The following KLK9 variants were observed in gnomAD, a reference collection of about 807,000 sequenced individuals.
The protein encoded by KLK9 is kallikrein related peptidase 9, also known as kallikrein-9.
In KLK9, 26 loss-of-function variants were observed where a neutral mutation model predicts 23.3. The ratio of observed to expected loss-of-function variants is 1.12; its 90% CI spans 0.82 to 1.55. KLK9 has a LOEUF of 1.55. Among genes scored for constraint, KLK9 ranks in the 40% most tolerant of loss-of-function variants. KLK9 has a pLI of 0.00. For missense variants in KLK9, 346 were observed against 333.7 expected (o/e 1.04, Z -0.29); for synonymous variants, 122 against 128.5 (o/e 0.95, Z 0.34).
Position 51,009,250 on chromosome 19 carries a change from G to A in KLK9, c.133C>T (p.Arg45Trp), listed in dbSNP as rs557702718. The change falls in exon 2 of 5, where the codon CGG becomes TGG. Residue 45 changes from arginine to tryptophan, a missense_variant. Transcript: ENST00000594211. This position sits in a 1 kb window ranked among gnomAD's most constrained non-coding sequence, Gnocchi z 4.8. ...ATGAGGGTCGCCCCACAGAAGAGCC[G>A]AGTAAGGTGGAAGAGGCCGGCCTGC... ...PWQAGLFHLT[R>W]LFCGATLISD... 2.7e-5 allele frequency: 44 copies of A among 1,609,898 alleles called. No individual in the cohort carries two copies. The East Asian group carries it at 5.6e-4, about 20-fold the overall frequency.
Position 51,006,479 on chromosome 19 carries a change from C to T in KLK9, c.445G>A (p.Gly149Arg). ...ATACCCTTGGGGCTGGACACGGCCCCCCAGCCTGAGATGAGACACTGCATG... is the reference window on the plus strand; with the variant it reads ...ATACCCTTGGGGCTGGACACGGCCCTCCAGCCTGAGATGAGACACTGCATG... ...PGMQCLISGW[G>R]AVSSPKALFP... The change falls in exon 3 of 5, where the codon GGG becomes AGG. Residue 149 changes from glycine (G) to arginine (R), a missense_variant. Gly to Arg is a moderately radical substitution (Grantham distance 125, BLOSUM62 -2). Transcript: ENST00000594211. This position sits in a 1 kb window ranked among gnomAD's most constrained non-coding sequence, Gnocchi z 4.1. 6.2e-7 allele frequency: 1 copy of T among 1,612,058 alleles called. No homozygotes were observed. Among genetic ancestry groups the T allele is most frequent in the Non-Finnish European group, 8.5e-7 (1 of 1,178,844 alleles).
rs368953872 is a variant in KLK9 at position 51,003,157 on chromosome 19, C to T, written c.707G>A (p.Ser236Asn). ...GATCCAGTCAAGGTAGTGGCATACG[C>T]TGGTGTAGACTGCGGGGCGCCGGGG... ...SRPRRPAVYT[S>N]VCHYLDWIQE... Residue 236 changes from serine to asparagine, a missense_variant, in exon 5 of 5, where the codon AGC (serine) becomes AAC (asparagine). Physicochemically the swap from Ser to Asn is conservative, Grantham distance 46 (BLOSUM62 1). Transcript: ENST00000594211. 12 of 1,612,678 alleles carry T rather than the reference C, an allele frequency of 7.4e-6. No individual in the cohort carries two copies. Among genetic ancestry groups the T allele is most frequent in the Non-Finnish European group, 1.0e-5 (12 of 1,179,754 alleles).
At chr19:51,004,101 A>G (rs974187817) in intron 3 of KLK9, among the ~76,000 whole-genome samples, 14 of 152,030 alleles carry the variant, frequency 9.2e-5, no homozygotes, top group African/African-American at 3.1e-4. Context: ...AGTGTTTTGG[A>G]GGCCGAGGCC....
chr19:51,008,167 T>TAA (rs577874335), intron 2 of KLK9, among the ~76,000 whole-genome samples: 5,764 of 95,836 alleles, frequency 0.06, 217 homozygotes, highest in Middle Eastern at 0.088. Context: ...CCGTCTCTAC[T>TAA]AAAAAAAAAA....
Position 51,009,449 on chromosome 19 carries a change from AAGAGCAAGGTGACCTTAGTAC to A in KLK9, c.43+35_43+55del. The A allele has an allele frequency of 6.4e-7, 1 of 1,569,132 alleles. No homozygotes were observed. Among genetic ancestry groups the A allele is most frequent in the African/African-American group, 1.4e-5 (1 of 73,950 alleles). On this transcript the variant is annotated intron_variant, in intron 1 of 4. Coordinates refer to ENST00000594211, the MANE Select transcript of KLK9 (RefSeq NM_012315.2). The surrounding 1 kb of genome is among the most constrained non-coding windows in gnomAD (Gnocchi z 4.8). ...GAGGCAGAAGCCTGGGATGGGAGGG[AAGAGCAAGGTGACCTTAGTAC>A]AGCCGTGAAGGGGCAGCCAGCCTGG...
rs913078393 is a variant in KLK9, at chr19:51,006,521, T to TCTGG, written c.399_402dup (p.Thr135ProfsTer70). 6.8e-6 allele frequency: 11 copies of TCTGG among 1,613,016 alleles called. No individual in the cohort carries two copies. The highest frequency in any genetic ancestry group is 9.3e-6 in the Non-Finnish European group (11 of 1,179,446). Reference sequence around the variant, plus strand: ...CACTGCATGCCTGGGGAGACACAGGTCTGGCTGAGGTTGAGGGGCTGCACA... The same window carrying TCTGG: ...CACTGCATGCCTGGGGAGACACAGGTCTGGCTGGCTGAGGTTGAGGGGCTGCACA... On this transcript the variant is annotated frameshift_variant, in exon 3 of 5. Coordinates refer to ENST00000594211, the MANE Select transcript of KLK9 (RefSeq NM_012315.2). LOFTEE classifies it high-confidence loss of function. The surrounding 1 kb of genome is among the most constrained non-coding windows in gnomAD (Gnocchi z 4.1).
rs1476979083 is a variant in KLK9, at chr19:51,003,724, C to T, written c.583G>A (p.Gly195Arg). 1.9e-6 allele frequency: 3 copies of T among 1,612,324 alleles called. No homozygotes were observed. In the African/African-American group the frequency reaches 4.0e-5, roughly 22 times the overall value. ...CTCACCTGGCAGGAACCTCGGCCCCCCTCCCACAGGCCCGCACAGAGCATG... is the reference window on the plus strand; with the variant it reads ...CTCACCTGGCAGGAACCTCGGCCCCTCTCCCACAGGCCCGCACAGAGCATG... ...DSMLCAGLWE[G>R]GRGSCQGDSG... Residue 195 changes from glycine (G) to arginine (R), a missense_variant, in exon 4 of 5, where the codon GGG becomes AGG. Physicochemically the swap from Gly to Arg is moderately radical, Grantham distance 125 (BLOSUM62 -2). Transcript: ENST00000594211.
At chr19:51,004,763 GT>G (rs1375183455) in intron 3 of KLK9, among the ~76,000 whole-genome samples, 1 of 151,822 alleles carries the variant, frequency 6.6e-6, no homozygotes, top group Non-Finnish European at 1.5e-5. Context: ...AATGAAGGCA[GT>G]GAGATAAAAG....
intron 3 of KLK9, among the ~76,000 whole-genome samples, chr19:51,004,429 G>A (rs1475401156): frequency 6.8e-6 from 1 of 146,916 alleles, no homozygotes; most frequent in Non-Finnish European, 1.5e-5. Context: ...AGAGATAAGA[G>A]GAGATGCATA....
chr19:51,004,452 G>A (rs555392456), intron 3 of KLK9, among the ~76,000 whole-genome samples: 1 of 147,130 alleles, frequency 6.8e-6, no homozygotes, highest in Admixed American at 6.8e-5. Context: ...TAACTCCCTA[G>A]CACTTTGGGA....
chr19:51,005,888 C>G (rs897388604), intron 3 of KLK9, among the ~76,000 whole-genome samples: 6 of 150,208 alleles, frequency 4.0e-5, no homozygotes, highest in Non-Finnish European at 8.9e-5. Context: ...ACCAGCCTGG[C>G]CAATATGGTG....
chr19:51,003,346 C>T, intron 4 of KLK9, 86 bp from the exon 5 acceptor site: 2 of 1,401,192 alleles, frequency 1.4e-6, no homozygotes, highest in Non-Finnish European at 1.9e-6. Flanking sequence ...CCAGAAAGGC[C>T]CCAGCCCCTT....
At chr19:51,008,395 TA>T (rs1242365075) in intron 2 of KLK9, among the ~76,000 whole-genome samples, 1 of 147,200 alleles carries the variant, frequency 6.8e-6, no homozygotes, top group Non-Finnish European at 1.5e-5. Context: ...TATAAATCTA[TA>T]ACCTTAGAAA....
chr19:51,006,718 A>G lies in KLK9; in HGVS notation c.206T>C (p.Leu69Pro). Residue 69 changes from leucine (L) to proline (P), a missense_variant, in exon 3 of 5, where the codon CTG (leucine) becomes CCG (proline). Coordinates refer to ENST00000594211, the MANE Select transcript of KLK9 (RefSeq NM_012315.2). This position sits in a 1 kb window ranked among gnomAD's most constrained non-coding sequence, Gnocchi z 4.1. ...GTGGTGCTCTCCAAGGCGGACCCAC[A>G]GATACCTGCTGGGACAGGCCTCAGA... Reference protein sequence around the residue: ...LTAAHCRKPYLWVRLGEHHLW... With the variant: ...LTAAHCRKPYPWVRLGEHHLW... 2.5e-6 allele frequency: 4 copies of G among 1,582,004 alleles called. No homozygotes were observed. The highest frequency in any genetic ancestry group is 3.4e-6 in the Non-Finnish European group (4 of 1,162,138).
In KLK9 at chr19:51,006,751, C is replaced by A; in HGVS notation, c.201-28G>T. ...GCTGGGACAGGCCTCAGAGGTCAAG[C>A]TGGGGGAAAGGTAAAAGTCCTTTCA... On this transcript the variant is annotated intron_variant, in intron 2 of 4. Coordinates refer to ENST00000594211, the MANE Select transcript of KLK9 (RefSeq NM_012315.2). The surrounding 1 kb of genome is among the most constrained non-coding windows in gnomAD (Gnocchi z 4.1). The A allele has an allele frequency of 6.5e-7, 1 of 1,536,294 alleles. No homozygotes were observed. Among genetic ancestry groups the A allele is most frequent in the Middle Eastern group, 1.8e-4 (1 of 5,532 alleles).
chr19:51,009,515 A>G lies in KLK9; in HGVS notation c.33T>C (p.Ser11=), dbSNP rs535116738. The G allele has an allele frequency of 6.2e-7, 1 of 1,611,708 alleles. No individual in the cohort carries two copies. Among genetic ancestry groups the G allele is most frequent in the African/African-American group, 1.3e-5 (1 of 74,988 alleles). ...GCCTGGGAGCCTCACCTGCCAGCAG[A>G]GAGAGCAGAGCACAGAGGAGTCCCA... MKLGLLCALL[S]LLAGHGWADT... The change falls in exon 1 of 5, where the codon TCT becomes TCC. Residue 11 remains serine (S), a synonymous_variant. Transcript: ENST00000594211. The surrounding 1 kb of genome is among the most constrained non-coding windows in gnomAD (Gnocchi z 4.8).
At chr19:51,003,371 C>G in intron 4 of KLK9, 111 bp from the exon 5 acceptor site, 1 of 1,170,864 alleles carries the variant, frequency 8.5e-7, no homozygotes, top group Non-Finnish European at 1.2e-6. Context: ...CTCCAACATC[C>G]GAGAGTCCTC....
chr19:51,004,821 G>A (rs2091249722), intron 3 of KLK9, among the ~76,000 whole-genome samples: 1 of 152,156 alleles, frequency 6.6e-6, no homozygotes, highest in Non-Finnish European at 1.5e-5. Flanking sequence ...CAGAGACATA[G>A]ACAGAGATAC....
At chr19:51,008,596 C>T (rs1246818940) in intron 2 of KLK9, among the ~76,000 whole-genome samples, 1 of 152,084 alleles carries the variant, frequency 6.6e-6, no homozygotes, top group Non-Finnish European at 1.5e-5. Flanking sequence ...GTGGCTAGTC[C>T]ATTTTGTAAC....
Sources: allele counts gnomAD v4.1 joint callset (sites outside exome capture counted in the v4.1 genomes callset), GRCh38; gene constraint gnomAD v4.1.1; non-coding constraint Gnocchi (gnomAD v3.1); transcripts MANE v1.5; gene names NCBI Gene and HGNC (gene_info 2026-07-23, HGNC 2026-07-21).